The following EFCAB13 variants were observed in gnomAD, a reference collection of about 807,000 sequenced individuals.
EFCAB13 encodes EF-hand calcium-binding domain-containing protein 13.
In EFCAB13, 91 loss-of-function variants were observed where a neutral mutation model predicts 110.2. The observed-to-expected ratio is 0.83, with a 90% CI of 0.70 to 0.98. The LOEUF (loss-of-function observed/expected upper bound fraction) is 0.98. Ranked by LOEUF, EFCAB13 falls within the 50% of genes least tolerant of loss-of-function variation. The pLI, the probability that EFCAB13 is intolerant of heterozygous loss-of-function variation, is 0.00. For missense variants in EFCAB13, 968 were observed against 1,119.4 expected (o/e 0.86, Z 1.93); for synonymous variants, 323 against 369.9 (o/e 0.87, Z 1.45).
intron 4 of EFCAB13, among the ~76,000 whole-genome samples, chr17:47,332,284 T>C (rs941822233): frequency 6.6e-6 from 1 of 152,158 alleles, no homozygotes; most frequent in Non-Finnish European, 1.5e-5. Flanking sequence ...TTTTTTATTA[T>C]TATTTTAGAT....
At chr17:47,423,573 C>G (rs1417524714) in intron 23 of EFCAB13, 2 of 324,894 alleles carry the variant, frequency 6.2e-6, no homozygotes, top group Non-Finnish European at 1.1e-5. Flanking sequence ...GAGGGAACGC[C>G]TTTGTGCCCG....
At chr17:47,436,818 T>A (rs1231825477) in intron 24 of EFCAB13, among the ~76,000 whole-genome samples, 1 of 151,958 alleles carries the variant, frequency 6.6e-6, no homozygotes, top group Non-Finnish European at 1.5e-5. Context: ...GGTTTGGGTT[T>A]GGTTTGTTCT....
chr17:47,421,642 A>AAG (rs1598763096), intron 23 of EFCAB13, among the ~76,000 whole-genome samples: 1 of 20,364 alleles, frequency 4.9e-5, no homozygotes, highest in East Asian at 6.8e-4. Context: ...AGAAAGAAAG[A>AAG]AAAAAAAAAA....
At chr17:47,377,610 T>C (rs2065623403) in intron 12 of EFCAB13, 156 bp from the exon 13 acceptor site, 1 of 520,552 alleles carries the variant, frequency 1.9e-6, no homozygotes, top group African/African-American at 2.0e-5. Flanking sequence ...TATAATGTAA[T>C]ATAAACAGAT....
At chr17:47,335,752 A>T (rs2065346123) in intron 5 of EFCAB13, among the ~76,000 whole-genome samples, 1 of 152,226 alleles carries the variant, frequency 6.6e-6, no homozygotes, top group Non-Finnish European at 1.5e-5. Context: ...TCACAAGGCC[A>T]GCAGGAGGGA....
intron 10 of EFCAB13, 60 bp from the exon 11 acceptor site, chr17:47,370,377 G>A (rs1225906577): frequency 1.8e-6 from 2 of 1,125,396 alleles, no homozygotes; most frequent in Non-Finnish European, 2.7e-6. Flanking sequence ...TATTAGAATA[G>A]GATGGCAGAT....
Position 47,324,009 on chromosome 17 carries a change from G to A in EFCAB13, c.-383G>A, listed in dbSNP as rs1006110749. 2 of 152,682 alleles carry A rather than the reference G, an allele frequency of 1.3e-5. No homozygotes were observed. Among genetic ancestry groups the A allele is most frequent in the Non-Finnish European group, 2.9e-5 (2 of 68,364 alleles). The allele number at this position is 152,682 out of a possible 1,614,324, so 9.5% of individuals were successfully genotyped here. ...GCTAGAGCAGCGCCGCCCGAGGGGC[G>A]GCAGGGGCTGACCACAGAGAGCGCG... On this transcript the variant is annotated 5_prime_UTR_variant, in exon 1 of 25. Transcript: ENST00000331493.
chr17:47,422,766 ATATAT>A (rs1363021362), intron 23 of EFCAB13, among the ~76,000 whole-genome samples: 4 of 152,190 alleles, frequency 2.6e-5, no homozygotes, highest in African/African-American at 7.2e-5. Context: ...AAATGGAGAG[ATATAT>A]TATGTTTTGT....
rs1043508971 is a variant in EFCAB13, at chr17:47,398,101, G to A, written c.1945+2124G>A. Among the ~76,000 whole-genome samples, 33 of 148,442 alleles carry A rather than the reference G, an allele frequency of 2.2e-4. 1 individual carries two copies. Among genetic ancestry groups the A allele is most frequent in the African/African-American group, 8.2e-4 (33 of 40,320 alleles). On this transcript the variant is annotated intron_variant, in intron 17 of 24. Coordinates refer to ENST00000331493, the MANE Select transcript of EFCAB13 (RefSeq NM_152347.5). ...CGCCGCCCGGCCAGCCGCCCCGTCC[G>A]GGAGGGAGGTGGGGGGGTCAGCCCC... is the stretch of plus-strand genomic sequence containing the variant.
chr17:47,342,447 C>T (rs966489172), intron 6 of EFCAB13, among the ~76,000 whole-genome samples: 4 of 152,106 alleles, frequency 2.6e-5, no homozygotes, highest in African/African-American at 9.7e-5. Flanking sequence ...CTTACAAGCA[C>T]GTCTGTCATT....
intron 11 of EFCAB13, among the ~76,000 whole-genome samples, chr17:47,373,774 G>C (rs1432528150): frequency 6.6e-6 from 1 of 152,012 alleles, no homozygotes; most frequent in Non-Finnish European, 1.5e-5. Flanking sequence ...TTCTCATAGA[G>C]TCTAAGATAA....
chr17:47,349,807 G>A (rs1217673541), intron 9 of EFCAB13, among the ~76,000 whole-genome samples: 11 of 118,260 alleles, frequency 9.3e-5, no homozygotes, highest in Admixed American at 6.7e-4. Context: ...TCGCTCTGTC[G>A]CCCAGGCTGG....
chr17:47,341,904 A>G lies in EFCAB13; in HGVS notation c.192-17A>G. 1 of 1,364,910 alleles carries G rather than the reference A, an allele frequency of 7.3e-7. No homozygotes were observed. Among genetic ancestry groups the G allele is most frequent in the Non-Finnish European group, 1.0e-6 (1 of 979,532 alleles). 84.5% of individuals were successfully genotyped at this position (1,364,910 alleles called of 1,614,324 possible). On this transcript the variant is annotated splice_polypyrimidine_tract_variant and intron_variant, in intron 5 of 24. Transcript: ENST00000331493. ...AAAAAGAAATTCAAGAATGATTCCAATTTCTGTGTCATTTAGATTTGAAAC... is the reference window on the plus strand; with the variant it reads ...AAAAAGAAATTCAAGAATGATTCCAGTTTCTGTGTCATTTAGATTTGAAAC...
rs767477066 is a variant in EFCAB13, at chr17:47,440,719, T to C, written c.*5T>C. 1.7e-5 allele frequency: 26 copies of C among 1,543,496 alleles called. No individual in the cohort carries two copies. Among genetic ancestry groups the C allele is most frequent in the African/African-American group, 2.8e-5 (2 of 72,340 alleles). The stretch of plus-strand genomic sequence containing the variant: ...AACCCAAACTCAAAATTTTAGGTAG[T>C]CTTACTTGATAGTGCTAGAAAATTA... On this transcript the variant is annotated 3_prime_UTR_variant, in exon 25 of 25. Transcript: ENST00000331493.
intron 24 of EFCAB13, among the ~76,000 whole-genome samples, chr17:47,433,452 A>G (rs2136755): frequency 0.084 from 12,734 of 152,190 alleles, 700 homozygotes; most frequent in East Asian, 0.28. Flanking sequence ...CTATTCTTCT[A>G]GAGGGAGGAG....
intron 21 of EFCAB13, among the ~76,000 whole-genome samples, chr17:47,410,305 C>G (rs1016398705): frequency 1.3e-5 from 2 of 152,130 alleles, no homozygotes; most frequent in Admixed American, 1.3e-4. Flanking sequence ...CCCACTCTTG[C>G]AATAACTAAA....
intron 8 of EFCAB13, among the ~76,000 whole-genome samples, chr17:47,346,877 T>A (rs1327826656): frequency 1.3e-5 from 2 of 152,216 alleles, no homozygotes; most frequent in Non-Finnish European, 2.9e-5. Flanking sequence ...TCCCATTTCA[T>A]GGAAATCTGG....
chr17:47,434,480 A>G (rs1334168612), intron 24 of EFCAB13, among the ~76,000 whole-genome samples: 1 of 152,182 alleles, frequency 6.6e-6, no homozygotes, highest in African/African-American at 2.4e-5. Context: ...GCCAAAAGCA[A>G]TCTACAGATT....
At chr17:47,363,765 A>G (rs910045712) in intron 10 of EFCAB13, among the ~76,000 whole-genome samples, 4 of 152,154 alleles carry the variant, frequency 2.6e-5, no homozygotes, top group Admixed American at 2.6e-4. Flanking sequence ...GTGGGCTTCC[A>G]CTAGTTTTTG....
Sources: allele counts gnomAD v4.1 joint callset (sites outside exome capture counted in the v4.1 genomes callset), GRCh38; gene constraint gnomAD v4.1.1; transcripts MANE v1.5; gene names NCBI Gene and HGNC (gene_info 2026-07-23, HGNC 2026-07-21).